EDIL3: variants seen among roughly 807,000 people sequenced by gnomAD.
The protein encoded by EDIL3 is EGF-like repeat and discoidin I-like domain-containing protein 3.
In EDIL3, 37 loss-of-function variants were observed where a neutral mutation model predicts 67.4. The observed-to-expected ratio is 0.55, with a 90% CI of 0.42 to 0.72. EDIL3 has a LOEUF of 0.72. EDIL3 is among the 30% of genes least tolerant of loss of function. The pLI is 0.00. For synonymous variants in EDIL3, 195 were observed against 196.3 expected, an observed-to-expected ratio of 0.99 and a Z score of 0.05; for missense variants, 527 against 586.3, an observed-to-expected ratio of 0.90 and a Z score of 1.04.
chr5:84,070,740 G>A (rs1194183631), intron 6 of EDIL3, among the ~76,000 whole-genome samples: 1 of 151,712 alleles, frequency 6.6e-6, no homozygotes, highest in Non-Finnish European at 1.5e-5. Flanking sequence ...CCTCTCTACT[G>A]AATCCAGCAC....
At chr5:84,335,182 G>A (rs1010250536) in intron 1 of EDIL3, among the ~76,000 whole-genome samples, 3 of 152,056 alleles carry the variant, frequency 2.0e-5, no homozygotes, top group African/African-American at 7.2e-5. Context: ...ACCACCATAT[G>A]TTCAAGAGGT....
intron 1 of EDIL3, among the ~76,000 whole-genome samples, chr5:84,368,463 G>A (rs187831238): frequency 5.9e-5 from 9 of 152,016 alleles, no homozygotes; most frequent in Non-Finnish European, 8.8e-5. Context: ...TACCTACATC[G>A]TATACAAAAA....
intron 3 of EDIL3, among the ~76,000 whole-genome samples, chr5:84,190,978 T>G (rs2112367701): frequency 6.6e-6 from 1 of 152,146 alleles, no homozygotes; most frequent in East Asian, 1.9e-4. Context: ...TTTAGAAATG[T>G]CAGCATATAA....
At chr5:84,255,010 G>A (rs186804819) in intron 1 of EDIL3, among the ~76,000 whole-genome samples, 15 of 152,268 alleles carry the variant, frequency 9.9e-5, no homozygotes, top group Non-Finnish European at 2.2e-4. Context: ...ACATGTATGC[G>A]ATGAACTTTT....
intron 1 of EDIL3, among the ~76,000 whole-genome samples, chr5:84,329,812 T>C (rs1489385436): frequency 6.6e-6 from 1 of 152,118 alleles, no homozygotes; most frequent in Non-Finnish European, 1.5e-5. Flanking sequence ...TTTTCACATA[T>C]TGTATTCACA....
chr5:84,196,061 C>G (rs918602523), intron 3 of EDIL3, among the ~76,000 whole-genome samples: 1 of 151,924 alleles, frequency 6.6e-6, no homozygotes, highest in Non-Finnish European at 1.5e-5. Flanking sequence ...GCATAAGGGT[C>G]TATATGCATT....
Position 84,384,361 on chromosome 5 carries a change from A to G in EDIL3, c.14T>C (p.Val5Ala). 6.2e-6 allele frequency: 10 copies of G among 1,612,520 alleles called. No individual in the cohort carries two copies. The highest frequency in any genetic ancestry group is 8.5e-6 in the Non-Finnish European group (10 of 1,179,366). The change falls in exon 1 of 11, where the codon GTA (valine) becomes GCA (alanine). Residue 5 changes from valine (V) to alanine (A), a missense_variant. By Grantham distance (64) the Val-to-Ala change is moderately conservative. This residue lies in a region of EDIL3 where 494 missense variants were observed against 522.5 expected (regional missense o/e 0.95). Coordinates refer to ENST00000296591, the MANE Select transcript of EDIL3 (RefSeq NM_005711.5). Reference sequence around the variant, plus strand: ...GAGCCCGACCAAGAGCCAGACGGCTACCGAGCGCTTCATGATCCCGTCTCC... The same window carrying G: ...GAGCCCGACCAAGAGCCAGACGGCTGCCGAGCGCTTCATGATCCCGTCTCC... The part of the protein sequence containing the change: MKRS[V>A]AVWLLVGLSL...
chr5:84,080,115 CAAAAAAAAAAAAAAA>C lies in EDIL3; in HGVS notation c.652-13524_652-13510del, dbSNP rs10566347. The stretch of plus-strand genomic sequence containing the variant: ...TGAAACCCCGTCTCTACTAAAAATA[CAAAAAAAAAAAAAAA>C]AAAAAAAAAAAAAAAAATAGCCCGG... On this transcript the variant is annotated intron_variant, in intron 6 of 10. Transcript: ENST00000296591. Among the ~76,000 whole-genome samples, 308 of 52,976 alleles carry C rather than the reference CAAAAAAAAAAAAAAA, an allele frequency of 5.8e-3. 3 individuals carry two copies. Among genetic ancestry groups the C allele is most frequent in the African/African-American group, 0.02 (286 of 13,952 alleles). The allele number at this position is 52,976 out of a possible 152,430, so 34.8% of individuals were successfully genotyped here.
At chr5:84,110,382 G>A (rs1231085605) in intron 5 of EDIL3, among the ~76,000 whole-genome samples, 1 of 152,036 alleles carries the variant, frequency 6.6e-6, no homozygotes, top group Non-Finnish European at 1.5e-5. Context: ...AACCAGTGAA[G>A]GAATTACAAT....
At chr5:84,164,885 T>C (rs1748677483) in intron 4 of EDIL3, among the ~76,000 whole-genome samples, 1 of 152,012 alleles carries the variant, frequency 6.6e-6, no homozygotes, top group South Asian at 2.1e-4. Context: ...CCTGAGGAAG[T>C]AGAAATCCTA....
At chr5:84,037,946 A>C (rs1746049050) in intron 9 of EDIL3, among the ~76,000 whole-genome samples, 1 of 151,402 alleles carries the variant, frequency 6.6e-6, no homozygotes, top group African/African-American at 2.4e-5. Context: ...GCTTAGAAAC[A>C]GCAAAAGGTG....
chr5:84,295,780 T>C (rs1746038906), intron 1 of EDIL3, among the ~76,000 whole-genome samples: 1 of 152,204 alleles, frequency 6.6e-6, no homozygotes, highest in Non-Finnish European at 1.5e-5. Context: ...GTTGCTTAAC[T>C]GTTATACACA....
At chr5:84,355,952 G>C (rs1212436813) in intron 1 of EDIL3, among the ~76,000 whole-genome samples, 1 of 152,128 alleles carries the variant, frequency 6.6e-6, no homozygotes, top group Admixed American at 6.6e-5. Context: ...CCCTGACTTG[G>C]GCTGCTGCCT....
intron 9 of EDIL3, among the ~76,000 whole-genome samples, chr5:84,001,096 G>C (rs2112169405): frequency 6.6e-6 from 1 of 151,962 alleles, no homozygotes; most frequent in East Asian, 1.9e-4. Context: ...GCCCAGGCTG[G>C]AGTGCAGTGG....
intron 6 of EDIL3, among the ~76,000 whole-genome samples, chr5:84,078,133 C>T (rs1375226346): frequency 6.6e-6 from 1 of 152,140 alleles, no homozygotes; most frequent in African/African-American, 2.4e-5. Context: ...AATTAAGCAA[C>T]CCTATTTCTG....
chr5:84,211,632 G>C (rs183535056), intron 3 of EDIL3, among the ~76,000 whole-genome samples: 2 of 152,274 alleles, frequency 1.3e-5, no homozygotes, highest in East Asian at 3.9e-4. Flanking sequence ...AGAAATTGCA[G>C]TGAAGTGGTC....
At chr5:83,988,271 T>C (rs1250430003) in intron 9 of EDIL3, among the ~76,000 whole-genome samples, 1 of 152,188 alleles carries the variant, frequency 6.6e-6, no homozygotes, top group Admixed American at 6.6e-5. Flanking sequence ...CAAAATCTAC[T>C]GACACATAAA....
At chr5:83,975,652 C>T (rs572394896) in intron 9 of EDIL3, among the ~76,000 whole-genome samples, 7 of 151,892 alleles carry the variant, frequency 4.6e-5, no homozygotes, top group African/African-American at 1.4e-4. Context: ...GTGACATCAA[C>T]AGGAAATAGA....
At chr5:84,316,497 T>G (rs546529161) in intron 1 of EDIL3, among the ~76,000 whole-genome samples, 2 of 151,868 alleles carry the variant, frequency 1.3e-5, no homozygotes, top group African/African-American at 4.8e-5. Context: ...CCAACAAAGA[T>G]CAAAAGAGAC....
Sources: allele counts gnomAD v4.1 joint callset (sites outside exome capture counted in the v4.1 genomes callset), GRCh38; gene constraint gnomAD v4.1.1; regional missense constraint gnomAD v4.1.1; transcripts MANE v1.5; gene names NCBI Gene and HGNC (gene_info 2026-07-23, HGNC 2026-07-21).